ACSM3: variants seen among roughly 807,000 people sequenced by gnomAD.
The protein encoded by ACSM3 is acyl-CoA synthetase medium chain family member 3, also known as acyl-coenzyme A synthetase ACSM3, mitochondrial.
Under a neutral mutation model 74.1 loss-of-function variants are expected in ACSM3, and 61 were observed. The ratio of observed to expected loss-of-function variants is 0.82; its 90% CI spans 0.67 to 1.02. ACSM3 has a LOEUF of 1.02. Among genes scored for constraint, ACSM3 ranks in the 50% least tolerant of loss-of-function variants. The pLI is 0.00. For missense variants in ACSM3, 660 were observed against 697.0 expected (o/e 0.95, Z 0.60); for synonymous variants, 213 against 241.5 (o/e 0.88, Z 1.09).
chr16:20,735,643 T>C (rs1056029995), intron 1 of ACSM3: 4 of 152,172 alleles, frequency 2.6e-5, no homozygotes, highest in African/African-American at 4.8e-5. Flanking sequence ...ACATTATATA[T>C]TGGCCTTTGT....
At chr16:20,770,591 G>A (rs574478038) in intron 2 of ACSM3, among the ~76,000 whole-genome samples, 8 of 152,116 alleles carry the variant, frequency 5.3e-5, no homozygotes, top group African/African-American at 1.9e-4. Context: ...TAGAAAAGGA[G>A]GCACAGATAA....
intron 1 of ACSM3, chr16:20,725,290 G>C (rs2079800740): frequency 1.1e-5 from 2 of 184,264 alleles, no homozygotes; most frequent in Non-Finnish European, 1.2e-5. Flanking sequence ...GAATGACAGG[G>C]TGTAGATATC....
At chr16:20,730,949 C>G (rs749126839) in intron 1 of ACSM3, among the ~76,000 whole-genome samples, 1 of 152,170 alleles carries the variant, frequency 6.6e-6, no homozygotes, top group Non-Finnish European at 1.5e-5. Flanking sequence ...CAACCTCAAA[C>G]TGCTGGGTTC....
At position 20,780,874 on chromosome 16, in the gene ACSM3, G is replaced by A. The variant is rs1314574538; in HGVS notation, c.782+17G>A. The A allele has an allele frequency of 6.2e-7, 1 of 1,613,926 alleles. No individual in the cohort carries two copies. Among genetic ancestry groups the A allele is most frequent in the Non-Finnish European group, 8.5e-7 (1 of 1,179,910 alleles). ...AAATGGAAGGTATACTTTCACAAAAGTGCAGCTTGAAGTGTCAAAACTGCA... is the reference window on the plus strand; with the variant it reads ...AAATGGAAGGTATACTTTCACAAAAATGCAGCTTGAAGTGTCAAAACTGCA... On this transcript the variant is annotated intron_variant, in intron 5 of 13. Coordinates refer to ENST00000289416, the MANE Select transcript of ACSM3 (RefSeq NM_005622.4).
intron 1 of ACSM3, among the ~76,000 whole-genome samples, chr16:20,727,897 A>C (rs1308827521): frequency 6.6e-6 from 1 of 152,216 alleles, no homozygotes; most frequent in Non-Finnish European, 1.5e-5. Flanking sequence ...GTAGAAATGC[A>C]AATTCTTGGA....
At chr16:20,738,303 T>A (rs761949986) in intron 1 of ACSM3, 5 of 412,576 alleles carry the variant, frequency 1.2e-5, no homozygotes, top group South Asian at 9.0e-5. Flanking sequence ...CAGTACACAC[T>A]TTTTTACAAA....
At chr16:20,714,158 G>A (rs994862985) in intron 1 of ACSM3, among the ~76,000 whole-genome samples, 5 of 151,796 alleles carry the variant, frequency 3.3e-5, no homozygotes, top group African/African-American at 9.7e-5. Context: ...TCTTGAGGGG[G>A]TCAAGATGGT....
intron 1 of ACSM3, among the ~76,000 whole-genome samples, chr16:20,740,415 T>A (rs1252791448): frequency 1.3e-5 from 2 of 152,228 alleles, no homozygotes; most frequent in Non-Finnish European, 2.9e-5. Context: ...AAGAATTTGC[T>A]TAAAGTACAG....
intron 1 of ACSM3, among the ~76,000 whole-genome samples, chr16:20,726,567 A>G (rs1596486241): frequency 6.6e-6 from 1 of 152,316 alleles, no homozygotes; most frequent in South Asian, 2.1e-4. Flanking sequence ...TTCTACCCAC[A>G]TCCTCTGGTT....
upstream of ACSM3, among the ~76,000 whole-genome samples, chr16:20,762,554 G>A (rs1422536359): frequency 1.3e-5 from 2 of 152,144 alleles, no homozygotes; most frequent in Admixed American, 6.5e-5. Flanking sequence ...CAGCAATACA[G>A]AAAAAGAAAT....
At chr16:20,704,470 TGA>T (rs1302744638) in intron 1 of ACSM3, among the ~76,000 whole-genome samples, 1 of 152,204 alleles carries the variant, frequency 6.6e-6, no homozygotes, top group Non-Finnish European at 1.5e-5. Context: ...AACTTAGAAC[TGA>T]GAGAACACAC....
intron 1 of ACSM3, chr16:20,722,060 G>A (rs1487781670): frequency 6.6e-6 from 1 of 152,178 alleles, no homozygotes; most frequent in Non-Finnish European, 1.5e-5. Flanking sequence ...AGCTTAGTGA[G>A]GGTTTAAGGG....
intron 1 of ACSM3, among the ~76,000 whole-genome samples, chr16:20,693,667 G>A (rs1161885981): frequency 6.6e-6 from 1 of 152,150 alleles, no homozygotes; most frequent in Non-Finnish European, 1.5e-5. Flanking sequence ...TTATTTAAAT[G>A]AGATGTTCTC....
chr16:20,738,167 A>G (rs2079886886), intron 1 of ACSM3: 5 of 615,776 alleles, frequency 8.1e-6, no homozygotes, highest in Non-Finnish European at 1.5e-5. Context: ...ACTTTTCATC[A>G]TTATTACTGC....
At chr16:20,759,421 G>A (rs1318267672), upstream of ACSM3, among the ~76,000 whole-genome samples, 5 of 152,072 alleles carry the variant, frequency 3.3e-5, no homozygotes, top group Admixed American at 1.3e-4. Flanking sequence ...TTAGCCAAGT[G>A]TGGTGGTGGG....
intron 1 of ACSM3, among the ~76,000 whole-genome samples, chr16:20,684,594 G>A (rs73530583): frequency 0.016 from 2,379 of 152,234 alleles, 60 homozygotes; most frequent in African/African-American, 0.054. Flanking sequence ...AATACAACTT[G>A]CATTCTTCAA....
chr16:20,776,058 T>C lies in ACSM3; in HGVS notation c.430+9T>C, dbSNP rs753344896. ...GGCCTGTCTGCGAACAGGTTAGTAA[T>C]GTTTGCTTTCCGATCATATTTATTA... On this transcript the variant is annotated intron_variant, in intron 3 of 13. Coordinates refer to ENST00000289416, the MANE Select transcript of ACSM3 (RefSeq NM_005622.4). 2 of 1,613,578 alleles carry C rather than the reference T, an allele frequency of 1.2e-6. No homozygotes were observed. The highest frequency in any genetic ancestry group is 1.1e-5 in the South Asian group (1 of 91,014).
chr16:20,750,468 A>AC (rs1361261847), intron 2 of ACSM3, among the ~76,000 whole-genome samples: 4 of 151,684 alleles, frequency 2.6e-5, no homozygotes, highest in African/African-American at 4.9e-5. Flanking sequence ...TCCCCTAAAC[A>AC]CCCCCCTCTC....
intron 1 of ACSM3, chr16:20,691,364 C>G (rs1221741085): frequency 1.9e-6 from 1 of 530,788 alleles, no homozygotes; most frequent in Admixed American, 4.1e-5. Context: ...TGGAAGGCAC[C>G]CCTGATTGAT....
Sources: allele counts gnomAD v4.1 joint callset (sites outside exome capture counted in the v4.1 genomes callset), GRCh38; gene constraint gnomAD v4.1.1; transcripts MANE v1.5; gene names NCBI Gene and HGNC (gene_info 2026-07-23, HGNC 2026-07-21).